SIK2: variants seen among roughly 807,000 people sequenced by gnomAD.
The protein encoded by SIK2 is serine/threonine-protein kinase SIK2.
In SIK2, 29 loss-of-function variants were observed where a neutral mutation model predicts 103.2. The ratio of observed to expected loss-of-function variants is 0.28; its 90% CI spans 0.21 to 0.38. The LOEUF (loss-of-function observed/expected upper bound fraction) is 0.38, where lower values mean the gene tolerates loss of function less well. Among genes scored for constraint, SIK2 ranks in the 10% least tolerant of loss-of-function variants. The pLI is 1.00. For synonymous variants in SIK2, 412 were observed against 446.1 expected (o/e 0.92, Z 0.96); for missense variants, 879 against 1,171.0 (o/e 0.75, Z 3.64).
In SIK2 at chr11:111,724,410, A is replaced by C; in HGVS notation, c.*281A>C. On this transcript the variant is annotated 3_prime_UTR_variant, in exon 15 of 15. Coordinates refer to ENST00000304987, the MANE Select transcript of SIK2 (RefSeq NM_015191.3). ...AAGCTCTCGAGGGCAGCACTGACAA[A>C]TGTGTTCCTAAGAAGACATTCAGAC... 6 of 444,960 alleles carry C rather than the reference A, an allele frequency of 1.3e-5. No individual in the cohort carries two copies. The highest frequency in any genetic ancestry group is 2.0e-5 in the Non-Finnish European group (5 of 245,384). The allele number at this position is 444,960 out of a possible 1,614,324, so 27.6% of individuals were successfully genotyped here.
chr11:111,718,007 C>T (rs1461733848), intron 9 of SIK2, among the ~76,000 whole-genome samples: 1 of 152,050 alleles, frequency 6.6e-6, no homozygotes, highest in Non-Finnish European at 1.5e-5. Context: ...TGCAGCAAAC[C>T]ACCATGACAC....
Position 111,602,707 on chromosome 11 carries a change from CG to C in SIK2, c.135+13del. Reference sequence around the variant, plus strand: ...GGATCACCAAGACGGAGGTGCGGCCCGGGGCTCGGCGGGAGCGTCCGAGGCG... The same window carrying C: ...GGATCACCAAGACGGAGGTGCGGCCCGGGCTCGGCGGGAGCGTCCGAGGCG... On this transcript the variant is annotated intron_variant, in intron 1 of 14. Coordinates refer to ENST00000304987, the MANE Select transcript of SIK2 (RefSeq NM_015191.3). The surrounding 1 kb of genome is among the most constrained non-coding windows in gnomAD (Gnocchi z 4.5). 6.7e-7 allele frequency: 1 copy of C among 1,496,028 alleles called. No homozygotes were observed. Among genetic ancestry groups the C allele is most frequent in the Non-Finnish European group, 8.9e-7 (1 of 1,120,592 alleles). The allele number at this position is 1,496,028 out of a possible 1,614,324, so 92.7% of individuals were successfully genotyped here. A position where few individuals can be genotyped will look rare whatever the true frequency, so the allele number is the denominator to read the frequency against.
At chr11:111,621,554 C>T (rs1032179713) in intron 3 of SIK2, among the ~76,000 whole-genome samples, 1 of 152,092 alleles carries the variant, frequency 6.6e-6, no homozygotes. Flanking sequence ...ACATAAGTTA[C>T]TATGTACATT....
intron 3 of SIK2, among the ~76,000 whole-genome samples, chr11:111,684,158 A>G (rs1242431110): frequency 1.3e-5 from 2 of 152,186 alleles, no homozygotes; most frequent in Non-Finnish European, 2.9e-5. Context: ...TCAGATATAC[A>G]ATGCCTTTGT....
intron 8 of SIK2, among the ~76,000 whole-genome samples, chr11:111,711,204 C>T (rs368185549): frequency 2.4e-4 from 37 of 151,794 alleles, no homozygotes; most frequent in African/African-American, 8.2e-4. Flanking sequence ...CTGCAAGCTC[C>T]GCCTCCCGGG....
intron 3 of SIK2, among the ~76,000 whole-genome samples, chr11:111,625,365 G>A (rs1429402802): frequency 6.6e-6 from 1 of 152,122 alleles, no homozygotes; most frequent in Non-Finnish European, 1.5e-5. Context: ...GTCCTAAGTG[G>A]TCAAACTCAG....
chr11:111,612,461 G>A (rs1784784), intron 1 of SIK2, among the ~76,000 whole-genome samples: 93,691 of 151,968 alleles, frequency 0.62, 31,455 homozygotes, highest in East Asian at 0.96. Context: ...TGAAAACTCT[G>A]CTGTTTCCTC....
chr11:111,647,582 A>T (rs972714426), intron 3 of SIK2, among the ~76,000 whole-genome samples: 2 of 115,648 alleles, frequency 1.7e-5, no homozygotes, highest in African/African-American at 3.1e-5. Flanking sequence ...AAAAAAAAAA[A>T]GGCTGAACAC....
chr11:111,704,760 G>T (rs1943301681), intron 7 of SIK2, among the ~76,000 whole-genome samples: 1 of 152,162 alleles, frequency 6.6e-6, no homozygotes, highest in Non-Finnish European at 1.5e-5. Context: ...ATGTTAAAGG[G>T]CTGGTAAACC....
intron 2 of SIK2, among the ~76,000 whole-genome samples, chr11:111,618,075 T>C (rs530966532): frequency 6.6e-6 from 1 of 152,178 alleles, no homozygotes; most frequent in Non-Finnish European, 1.5e-5. Flanking sequence ...GTGCCCAACT[T>C]TTTTGGCACC....
intron 6 of SIK2, among the ~76,000 whole-genome samples, chr11:111,702,274 G>A (rs1189072007): frequency 1.3e-5 from 2 of 152,152 alleles, no homozygotes; most frequent in African/African-American, 4.8e-5. Flanking sequence ...CCGCACGGGT[G>A]TTGTAAGGTT....
rs1408608779 is a variant in SIK2 at position 111,729,041 on chromosome 11, GCAC to G, written c.*4914_*4916del. ...GACAGGTTCTACAGTGTGGTCTGAAGCACCTGTAATGTCAGAGCCCTTGTCTGG... is the reference window on the plus strand; with the variant it reads ...GACAGGTTCTACAGTGTGGTCTGAAGCTGTAATGTCAGAGCCCTTGTCTGG... On this transcript the variant is annotated 3_prime_UTR_variant, in exon 15 of 15. Transcript: ENST00000304987. The G allele has an allele frequency of 6.6e-6, 1 of 152,262 alleles. No homozygotes were observed. The highest frequency in any genetic ancestry group is 1.5e-5 in the Non-Finnish European group (1 of 68,062). 9.4% of individuals were successfully genotyped at this position (152,262 alleles called of 1,614,324 possible).
At chr11:111,681,141 C>A (rs1020178159) in intron 3 of SIK2, among the ~76,000 whole-genome samples, 7 of 152,182 alleles carry the variant, frequency 4.6e-5, no homozygotes, top group African/African-American at 1.7e-4. Context: ...GGAGATTATT[C>A]TTACAAAAAT....
rs1306387922 is a variant in SIK2, at chr11:111,722,633, G to T, written c.2056-32G>T. On this transcript the variant is annotated intron_variant, in intron 13 of 14. Coordinates refer to ENST00000304987, the MANE Select transcript of SIK2 (RefSeq NM_015191.3). The surrounding 1 kb of genome is among the most constrained non-coding windows in gnomAD (Gnocchi z 4.4). The stretch of plus-strand genomic sequence containing the variant: ...ACTGCATCCTAGGTGACAGCACATT[G>T]TCACGCTCATGTTGTTTTTCTGCTC... The T allele has an allele frequency of 5.6e-6, 9 of 1,602,002 alleles. No homozygotes were observed. The highest frequency in any genetic ancestry group is 7.7e-6 in the Non-Finnish European group (9 of 1,171,376).
At chr11:111,684,193 C>T (rs1942814034) in intron 3 of SIK2, among the ~76,000 whole-genome samples, 1 of 152,178 alleles carries the variant, frequency 6.6e-6, no homozygotes, top group Admixed American at 6.5e-5. Context: ...CTTCCTGCTG[C>T]CACGTTTCAA....
Position 111,644,614 on chromosome 11 carries a change from C to G in SIK2, c.316+24212C>G, listed in dbSNP as rs1942231409. 2.6e-5 allele frequency among the ~76,000 whole-genome samples: 4 copies of G among 151,978 alleles called. 1 individual carries two copies. The highest frequency in any genetic ancestry group is 9.7e-5 in the African/African-American group (4 of 41,360). On this transcript the variant is annotated intron_variant, in intron 3 of 14. Coordinates refer to ENST00000304987, the MANE Select transcript of SIK2 (RefSeq NM_015191.3). ...CTTATATTCTAAACATACAGTATGT[C>G]TCATACTGCAAAACAAAGGAATCTG... is the stretch of plus-strand genomic sequence containing the variant.
At chr11:111,635,577 C>G (rs925484922) in intron 3 of SIK2, among the ~76,000 whole-genome samples, 1 of 151,802 alleles carries the variant, frequency 6.6e-6, no homozygotes, top group African/African-American at 2.4e-5. Context: ...GTCTGTAAAT[C>G]GAAGGAAATA....
intron 3 of SIK2, among the ~76,000 whole-genome samples, chr11:111,649,901 T>C (rs1942306339): frequency 6.6e-6 from 1 of 152,124 alleles, no homozygotes; most frequent in Non-Finnish European, 1.5e-5. Context: ...TGCTAGGAGC[T>C]CTCATAAGTA....
At chr11:111,709,954 T>C (rs755045974) in intron 8 of SIK2, among the ~76,000 whole-genome samples, 41 of 152,156 alleles carry the variant, frequency 2.7e-4, no homozygotes, top group Non-Finnish European at 4.7e-4. Flanking sequence ...GACGGAGCAG[T>C]GTGTCGTAGT....
Sources: gnomAD v4.1 joint callset for allele counts (sites outside exome capture counted in the v4.1 genomes callset) on GRCh38, gnomAD v4.1.1 for gene constraint, Gnocchi (gnomAD v3.1) non-coding constraint, MANE v1.5 for transcripts, NCBI Gene and HGNC (gene_info 2026-07-23, HGNC 2026-07-21) for gene names.